The following PPP2R3A variants were observed in gnomAD, a reference collection of about 807,000 sequenced individuals.
PPP2R3A encodes serine/threonine-protein phosphatase 2A regulatory subunit B'' subunit alpha.
PPP2R3A carries 80 observed loss-of-function variants against 106.9 expected under a neutral mutation model. That is an observed-to-expected ratio of 0.75 (90% CI 0.62 to 0.90). The LOEUF (loss-of-function observed/expected upper bound fraction) is 0.90, where lower values mean the gene tolerates loss of function less well. Among genes scored for constraint, PPP2R3A ranks in the 40% least tolerant of loss-of-function variants. The probability of loss-of-function intolerance (pLI) is 0.00; values close to 1 mark genes in which losing one functional copy is unlikely to be tolerated. For missense variants in PPP2R3A, 1,386 were observed against 1,350.4 expected, an observed-to-expected ratio of 1.03 and a Z score of -0.41; for synonymous variants, 483 against 468.3, an observed-to-expected ratio of 1.03 and a Z score of -0.41.
Position 136,003,047 on chromosome 3 carries a change from G to T in PPP2R3A, c.1549G>T (p.Glu517Ter). ...GATAGATAAATTGTTAATGGATTTG[G>T]AATCTTTTTCACAGAAGATGGAGAC... ...EEIDKLLMDL[E>*]SFSQKMETSL... The change falls in exon 2 of 14, where the codon GAA becomes TAA. Residue 517 changes from glutamate to a stop codon, truncating the protein, a stop_gained. Coordinates refer to ENST00000264977, the MANE Select transcript of PPP2R3A (RefSeq NM_002718.5). LOFTEE classifies it high-confidence loss of function. 6.2e-7 allele frequency: 1 copy of T among 1,612,916 alleles called. No homozygotes were observed. The highest frequency in any genetic ancestry group is 8.5e-7 in the Non-Finnish European group (1 of 1,179,700).
rs1576462329 is a variant in PPP2R3A at position 136,049,481 on chromosome 3, G to A, written c.2469+120G>A. ...CAGATCTAGATATCAGATTCTAGAA[G>A]AGTGGTTTTCAAACTTGTTTTAGCA... On this transcript the variant is annotated intron_variant, in intron 5 of 13. Coordinates refer to ENST00000264977, the MANE Select transcript of PPP2R3A (RefSeq NM_002718.5). 6.0e-6 allele frequency: 4 copies of A among 661,564 alleles called. No homozygotes were observed. In the East Asian group the frequency reaches 1.1e-4, roughly 18 times the overall value. 41.0% of individuals were successfully genotyped at this position (661,564 alleles called of 1,614,324 possible).
chr3:136,120,140 G>C (rs541850822), intron 13 of PPP2R3A, among the ~76,000 whole-genome samples: 1 of 151,864 alleles, frequency 6.6e-6, no homozygotes, highest in Non-Finnish European at 1.5e-5. Context: ...GTCCGGGGGG[G>C]GTGGGGGCTA....
At chr3:136,115,625 C>T (rs1420785614) in intron 13 of PPP2R3A, among the ~76,000 whole-genome samples, 1 of 151,158 alleles carries the variant, frequency 6.6e-6, no homozygotes, top group African/African-American at 2.4e-5. Context: ...GTAGCCAAAT[C>T]GACCAAGCAG....
At chr3:136,029,678 T>C (rs982877660) in intron 3 of PPP2R3A, among the ~76,000 whole-genome samples, 4 of 152,188 alleles carry the variant, frequency 2.6e-5, no homozygotes, top group African/African-American at 9.7e-5. Flanking sequence ...TGTTTAGCCA[T>C]AGGGACAGTC....
At chr3:135,990,262 G>A (rs1933103547) in intron 1 of PPP2R3A, among the ~76,000 whole-genome samples, 4 of 152,112 alleles carry the variant, frequency 2.6e-5, no homozygotes, top group East Asian at 1.9e-4. Context: ...GTTCTTGGCC[G>A]TCCTCTAGAA....
chr3:136,129,124 C>A (rs561541608), intron 13 of PPP2R3A, among the ~76,000 whole-genome samples: 5 of 149,964 alleles, frequency 3.3e-5, no homozygotes, highest in Non-Finnish European at 7.4e-5. Context: ...GAAGCAAGAG[C>A]AAACAAATTG....
chr3:136,088,548 G>T (rs1937016892), intron 9 of PPP2R3A, among the ~76,000 whole-genome samples: 1 of 152,128 alleles, frequency 6.6e-6, no homozygotes, highest in Non-Finnish European at 1.5e-5. Context: ...AATAGTGCTG[G>T]ATAAACATAC....
At chr3:136,094,324 T>TA (rs1217751468) in intron 10 of PPP2R3A, among the ~76,000 whole-genome samples, 1 of 152,174 alleles carries the variant, frequency 6.6e-6, no homozygotes, top group Non-Finnish European at 1.5e-5. Flanking sequence ...CTGTGAATGT[T>TA]AAAAACCCTT....
rs1175694359 is a variant in PPP2R3A, at chr3:136,081,449, AT to A, written c.2632-815del. ...ATATAGGTAGATCTGTTTTGGGGGC[AT>A]GGTTTTGATACTTAATCAAAAAAAT... On this transcript the variant is annotated intron_variant, in intron 7 of 13. Coordinates refer to ENST00000264977, the MANE Select transcript of PPP2R3A (RefSeq NM_002718.5). Among the ~76,000 whole-genome samples, 4 of 151,912 alleles carry A rather than the reference AT, an allele frequency of 2.6e-5. No homozygotes were observed. In the East Asian group the frequency reaches 7.7e-4, roughly 29 times the overall value.
intron 4 of PPP2R3A, 53 bp downstream of exon 4, chr3:136,041,015 A>T: frequency 1.4e-6 from 2 of 1,469,084 alleles, no homozygotes; most frequent in Non-Finnish European, 1.9e-6. Context: ...TGTGACCCTC[A>T]TGACATGCTT....
At chr3:136,010,417 ATTTTTT>A (rs56962010) in intron 2 of PPP2R3A, among the ~76,000 whole-genome samples, 1 of 51,004 alleles carries the variant, frequency 2.0e-5, no homozygotes, top group African/African-American at 9.7e-5. Flanking sequence ...CGCTCGGCTA[ATTTTTT>A]TTTTTTTTTT....
intron 1 of PPP2R3A, among the ~76,000 whole-genome samples, chr3:135,969,345 G>A (rs532416839): frequency 2.2e-4 from 33 of 152,138 alleles, no homozygotes; most frequent in Non-Finnish European, 4.1e-4. Flanking sequence ...TTTAGGAGGC[G>A]TAATTGATAG....
At chr3:136,086,168 T>G (rs1302333510) in intron 8 of PPP2R3A, among the ~76,000 whole-genome samples, 1 of 150,898 alleles carries the variant, frequency 6.6e-6, no homozygotes, top group Non-Finnish European at 1.5e-5. Flanking sequence ...GATGTCAGGT[T>G]TCATAGAGCT....
At chr3:135,981,981 G>A (rs1193648956) in intron 1 of PPP2R3A, among the ~76,000 whole-genome samples, 1 of 151,796 alleles carries the variant, frequency 6.6e-6, no homozygotes, top group East Asian at 1.9e-4. Context: ...CTTGCAGAAT[G>A]ACTGGAGTTT....
intron 13 of PPP2R3A, among the ~76,000 whole-genome samples, chr3:136,127,228 G>A (rs1384105473): frequency 6.6e-6 from 1 of 152,192 alleles, no homozygotes; most frequent in Non-Finnish European, 1.5e-5. Flanking sequence ...CAAGCTAAAG[G>A]AGGATGTTCG....
intron 13 of PPP2R3A, among the ~76,000 whole-genome samples, chr3:136,136,094 A>ATATATAT (rs1169806652): frequency 1.4e-5 from 2 of 142,258 alleles, no homozygotes; most frequent in Non-Finnish European, 3.0e-5. Context: ...ATATATATAT[A>ATATATAT]AAAAACATCA....
chr3:135,976,229 A>G (rs1403529630), intron 1 of PPP2R3A, among the ~76,000 whole-genome samples: 1 of 152,212 alleles, frequency 6.6e-6, no homozygotes, highest in Non-Finnish European at 1.5e-5. Context: ...ATATATAAGC[A>G]GCAAAGGTTA....
At chr3:136,129,867 A>G (rs1291450070) in intron 13 of PPP2R3A, among the ~76,000 whole-genome samples, 1 of 152,224 alleles carries the variant, frequency 6.6e-6, no homozygotes, top group East Asian at 1.9e-4. Flanking sequence ...AACATACGCA[A>G]ATCAATAAAT....
intron 5 of PPP2R3A, among the ~76,000 whole-genome samples, chr3:136,068,134 CTTGAACCTGGAAGGTAGAGG>C (rs1325602557): frequency 6.6e-6 from 1 of 152,078 alleles, no homozygotes; most frequent in East Asian, 1.9e-4. Context: ...AGGAGGATCA[CTTGAACCTGGAAGGTAGAGG>C]TTTCAGTGAG....
Sources: gnomAD v4.1 joint callset for allele counts (sites outside exome capture counted in the v4.1 genomes callset) on GRCh38, gnomAD v4.1.1 for gene constraint, MANE v1.5 for transcripts, NCBI Gene and HGNC (gene_info 2026-07-23, HGNC 2026-07-21) for gene names.